The following TBC1D9 variants were observed in gnomAD, a reference collection of about 807,000 sequenced individuals.
The protein encoded by TBC1D9 is TBC1 domain family member 9A.
A neutral mutation model predicts 132.0 loss-of-function variants in TBC1D9; 63 were observed. The observed-to-expected ratio is 0.48, with a 90% CI of 0.39 to 0.59. The LOEUF (loss-of-function observed/expected upper bound fraction) is 0.59. Among genes scored for constraint, TBC1D9 ranks in the 20% least tolerant of loss-of-function variants. The probability of loss-of-function intolerance (pLI) is 0.00; values close to 1 mark genes in which losing one functional copy is unlikely to be tolerated. For missense variants in TBC1D9, 1,261 were observed against 1,592.7 expected (o/e 0.79, Z 3.54); for synonymous variants, 610 against 609.9 (o/e 1.00, Z 0.00).
intron 13 of TBC1D9, chr4:140,645,431 C>T (rs142002794): frequency 5.8e-4 from 254 of 437,526 alleles, no homozygotes; most frequent in South Asian, 2.4e-3. Context: ...TGGCACTCTC[C>T]GGCCTCTCTG....
At position 140,744,347 on chromosome 4, in the gene TBC1D9, C is replaced by T. The variant is rs557264191; in HGVS notation, c.130+11569G>A. ...CCCTTTCTCTCAGCCAAGGGAACTT[C>T]AAAGAAACCAAAAAACTAGTTCAGG... On this transcript the variant is annotated intron_variant, in intron 1 of 20. Coordinates refer to ENST00000442267, the MANE Select transcript of TBC1D9 (RefSeq NM_015130.3). Among the ~76,000 whole-genome samples, 131 of 152,206 alleles carry T rather than the reference C, an allele frequency of 8.6e-4. 1 individual carries two copies. Among genetic ancestry groups the T allele is most frequent in the East Asian group, 3.9e-4 (2 of 5,174 alleles).
chr4:140,746,730 T>C (rs917599362), intron 1 of TBC1D9, among the ~76,000 whole-genome samples: 3 of 152,304 alleles, frequency 2.0e-5, no homozygotes, highest in African/African-American at 7.2e-5. Flanking sequence ...ACTTATTCAC[T>C]ACCATGAAAC....
chr4:140,701,369 G>A, intron 2 of TBC1D9, 135 bp downstream of exon 2: 1 of 669,380 alleles, frequency 1.5e-6, no homozygotes, highest in Non-Finnish European at 2.6e-6. Context: ...TTCATGTGTT[G>A]AAATGGCTAC....
intron 13 of TBC1D9, chr4:140,642,579 C>T (rs901983276): frequency 6.3e-6 from 6 of 954,116 alleles, no homozygotes; most frequent in Non-Finnish European, 9.9e-6. Flanking sequence ...GCCAACTGCT[C>T]CTGGTCGCTG....
At chr4:140,689,761 T>C (rs1737848778) in intron 2 of TBC1D9, among the ~76,000 whole-genome samples, 1 of 128,078 alleles carries the variant, frequency 7.8e-6, no homozygotes, top group Non-Finnish European at 1.6e-5. Context: ...CCCTTTTTTT[T>C]TTTTGAGACA....
chr4:140,755,900 C>G lies in TBC1D9; in HGVS notation c.130+16G>C, dbSNP rs1416358406. 5.9e-6 allele frequency: 9 copies of G among 1,532,738 alleles called. No individual in the cohort carries two copies. The highest frequency in any genetic ancestry group is 1.4e-5 in the African/African-American group (1 of 70,706). The allele number at this position is 1,532,738 out of a possible 1,614,324, so 94.9% of individuals were successfully genotyped here. On this transcript the variant is annotated intron_variant, in intron 1 of 20. Coordinates refer to ENST00000442267, the MANE Select transcript of TBC1D9 (RefSeq NM_015130.3). ...CTCCCGGCTCCCCTCCTGCAGGGAT[C>G]GGCCACGGTCCTTACCCGCCAGTCC...
At chr4:140,721,349 T>C (rs994794032) in intron 1 of TBC1D9, among the ~76,000 whole-genome samples, 58 of 152,352 alleles carry the variant, frequency 3.8e-4, no homozygotes, top group Middle Eastern at 3.4e-3. Context: ...GTGCATTTTC[T>C]AATTTAATCC....
In TBC1D9 at chr4:140,662,063, G is replaced by A. The variant is rs1737370017; in HGVS notation, c.1633C>T (p.Leu545=). The A allele has an allele frequency of 4.3e-6, 7 of 1,613,874 alleles. No homozygotes were observed. The East Asian group carries it at 1.6e-4, about 36-fold the overall frequency. The change falls in exon 10 of 21, where the codon CTA becomes TTA. Residue 545 remains leucine, a synonymous_variant. Transcript: ENST00000442267. ...TACTTCCCCATGGACTTCTCCACTAGGTCTTCATAGTACCCAGGATGTGTG... is the reference window on the plus strand; with the variant it reads ...TACTTCCCCATGGACTTCTCCACTAAGTCTTCATAGTACCCAGGATGTGTG... The part of the protein sequence containing the change: ...KATHPGYYED[L]VEKSMGKYNL...
chr4:140,709,454 T>C (rs10025928), intron 1 of TBC1D9, among the ~76,000 whole-genome samples: 9,454 of 151,312 alleles, frequency 0.062, 418 homozygotes, highest in African/African-American at 0.12. Flanking sequence ...TAGTTTTCAA[T>C]CTGTTACAGA....
chr4:140,734,395 G>A (rs1024935784), intron 1 of TBC1D9, among the ~76,000 whole-genome samples: 1 of 152,170 alleles, frequency 6.6e-6, no homozygotes, highest in Non-Finnish European at 1.5e-5. Context: ...CTCCCAAAGT[G>A]CTGGGATTAC....
intron 13 of TBC1D9, among the ~76,000 whole-genome samples, chr4:140,641,078 CATA>C (rs1249184706): frequency 2.1e-5 from 1 of 47,508 alleles, no homozygotes; most frequent in African/African-American, 8.5e-5. Context: ...ATCTTACAAT[CATA>C]ATACTAAGCA....
At chr4:140,632,997 T>C (rs900386700) in intron 16 of TBC1D9, among the ~76,000 whole-genome samples, 1 of 152,238 alleles carries the variant, frequency 6.6e-6, no homozygotes, top group Non-Finnish European at 1.5e-5. Context: ...GAGTACTTTA[T>C]ACAATTTTTG....
At position 140,755,942 on chromosome 4, in the gene TBC1D9, T is replaced by C; in HGVS notation, c.104A>G (p.Asp35Gly). The stretch of plus-strand genomic sequence containing the variant: ...CGCCAGTCCGCCGCCGCCGCCTCCA[T>C]CGCCGGCGTGGCCCTTCCTCCGCTG... The part of the protein sequence containing the change: ...ILQRRKGHAG[D>G]GGGGGGLAGL... The change falls in exon 1 of 21, where the codon GAT becomes GGT. Residue 35 changes from aspartate to glycine, a missense_variant. Asp to Gly is a moderately conservative substitution (Grantham distance 94, BLOSUM62 -1). Transcript: ENST00000442267. The C allele has an allele frequency of 6.3e-7, 1 of 1,587,130 alleles. No individual in the cohort carries two copies. The highest frequency in any genetic ancestry group is 8.6e-7 in the Non-Finnish European group (1 of 1,168,844).
In TBC1D9 at chr4:140,661,008, G is replaced by A. The variant is rs569244580; in HGVS notation, c.1803+885C>T. The stretch of plus-strand genomic sequence containing the variant: ...CAGCTCATTGCAAGCTCCACCTCCC[G>A]GGTTCAGGCCATTCTCCTGCCTCAG... On this transcript the variant is annotated intron_variant, in intron 10 of 20. Coordinates refer to ENST00000442267, the MANE Select transcript of TBC1D9 (RefSeq NM_015130.3). Among the ~76,000 whole-genome samples, 8 of 152,004 alleles carry A rather than the reference G, an allele frequency of 5.3e-5. No homozygotes were observed. In the East Asian group the frequency reaches 9.7e-4, roughly 18 times the overall value.
chr4:140,733,896 T>C (rs905108463), intron 1 of TBC1D9, among the ~76,000 whole-genome samples: 4 of 152,034 alleles, frequency 2.6e-5, no homozygotes, highest in Non-Finnish European at 5.9e-5. Flanking sequence ...ATTTTTCTTT[T>C]ATTTTCCTCT....
intron 13 of TBC1D9, chr4:140,645,458 C>A: frequency 2.4e-6 from 1 of 412,934 alleles, no homozygotes; most frequent in South Asian, 1.8e-5. Context: ...GCTTCAGCTG[C>A]GGGCCCCTGC....
chr4:140,751,216 G>T (rs1483267346), intron 1 of TBC1D9, among the ~76,000 whole-genome samples: 1 of 152,094 alleles, frequency 6.6e-6, no homozygotes, highest in Non-Finnish European at 1.5e-5. Context: ...CTACAGTGTG[G>T]TGTTGGTGCA....
rs139923157 is a variant in TBC1D9 at position 140,677,882 on chromosome 4, C to T, written c.852-781G>A. ...AAGCATCCTTTCCATGCTTTCTCTA[C>T]AAAATATCACTTCTTAAATGATCAA... On this transcript the variant is annotated intron_variant, in intron 5 of 20. Coordinates refer to ENST00000442267, the MANE Select transcript of TBC1D9 (RefSeq NM_015130.3). Among the ~76,000 whole-genome samples the T allele has an allele frequency of 4.5e-3, 678 of 152,270 alleles. 3 individuals are homozygous for T. The highest frequency in any genetic ancestry group is 0.015 in the African/African-American group (634 of 41,550).
intron 3 of TBC1D9, among the ~76,000 whole-genome samples, chr4:140,680,824 G>A (rs1279882452): frequency 5.3e-5 from 8 of 152,088 alleles, no homozygotes; most frequent in Non-Finnish European, 1.2e-4. Context: ...GGCTCTTAAA[G>A]CTTCTAGTGC....
Sources: gnomAD v4.1 joint callset for allele counts (sites outside exome capture counted in the v4.1 genomes callset) on GRCh38, gnomAD v4.1.1 for gene constraint, MANE v1.5 for transcripts, NCBI Gene and HGNC (gene_info 2026-07-23, HGNC 2026-07-21) for gene names.